The following RNF216 variants were observed in gnomAD, a reference collection of about 807,000 sequenced individuals.
The protein encoded by RNF216 is ring finger protein 216.
Under a neutral mutation model 110.8 loss-of-function variants are expected in RNF216, and 72 were observed. That is an observed-to-expected ratio of 0.65 (90% CI 0.54 to 0.79). RNF216 has a LOEUF of 0.79. RNF216 is among the 30% of genes least tolerant of loss of function. The pLI is 0.00. For synonymous variants in RNF216, 495 were observed against 407.5 expected (o/e 1.21, Z -2.59); for missense variants, 1,342 against 1,141.2 (o/e 1.18, Z -2.54).
intron 15 of RNF216, among the ~76,000 whole-genome samples, chr7:5,627,258 C>T (rs1786767993): frequency 1.3e-5 from 2 of 152,208 alleles, no homozygotes; most frequent in African/African-American, 4.8e-5. Flanking sequence ...AGGAAATCCA[C>T]AGAAAAGATA....
intron 7 of RNF216, among the ~76,000 whole-genome samples, chr7:5,727,896 T>C (rs1793856802): frequency 6.6e-6 from 1 of 151,516 alleles, no homozygotes; most frequent in Admixed American, 6.6e-5. Flanking sequence ...AGATTTTCCA[T>C]ATGCTGATGA....
At chr7:5,654,172 G>A (rs1438612477) in intron 13 of RNF216, among the ~76,000 whole-genome samples, 2 of 152,228 alleles carry the variant, frequency 1.3e-5, no homozygotes, top group African/African-American at 4.8e-5. Context: ...AGGGTGGTGG[G>A]CAAGGACAGG....
At position 5,662,176 on chromosome 7, in the gene RNF216, T is replaced by C. The variant is rs542137556; in HGVS notation, c.2062-9666A>G. On this transcript the variant is annotated intron_variant, in intron 13 of 16. Coordinates refer to ENST00000389902, the MANE Select transcript of RNF216 (RefSeq NM_207111.4). The stretch of plus-strand genomic sequence containing the variant: ...TGGCTCAGTAAGAGGCAGGATGGGA[T>C]GGAATCAGACCTGAGGATACCCTTT... 2.6e-5 allele frequency among the ~76,000 whole-genome samples: 4 copies of C among 152,240 alleles called. No homozygotes were observed. In the East Asian group the frequency reaches 7.7e-4, roughly 29 times the overall value.
chr7:5,666,913 C>T (rs188000240), intron 13 of RNF216, among the ~76,000 whole-genome samples: 61 of 151,378 alleles, frequency 4.0e-4, no homozygotes, highest in Non-Finnish European at 6.8e-4. Flanking sequence ...AGCCTGGGCT[C>T]AAGTGATCCT....
chr7:5,778,916 G>T (rs887877780), intron 1 of RNF216, among the ~76,000 whole-genome samples: 2 of 152,132 alleles, frequency 1.3e-5, no homozygotes, highest in African/African-American at 4.8e-5. Flanking sequence ...GCTAATTTTT[G>T]TATTTTTAGT....
intron 1 of RNF216, among the ~76,000 whole-genome samples, chr7:5,771,096 A>G (rs1796471922): frequency 6.6e-6 from 1 of 152,076 alleles, no homozygotes; most frequent in Admixed American, 6.6e-5. Flanking sequence ...GTGAGCCACC[A>G]CACCTGGCCC....
chr7:5,727,308 C>G (rs377062924), intron 7 of RNF216, among the ~76,000 whole-genome samples: 10 of 152,372 alleles, frequency 6.6e-5, no homozygotes, highest in African/African-American at 2.4e-4. Context: ...CTTATGACCA[C>G]AAGCTTTCCA....
chr7:5,711,913 T>C (rs760382572), intron 12 of RNF216, 74 bp from the exon 13 acceptor site: 33 of 1,337,738 alleles, frequency 2.5e-5, no homozygotes, highest in Non-Finnish European at 3.1e-5. Flanking sequence ...CATGTGGCTG[T>C]TCATATGAAG....
Position 5,715,078 on chromosome 7 carries a change from T to C in RNF216, c.1808A>G (p.Gln603Arg), listed in dbSNP as rs1175400886. 4.3e-6 allele frequency: 7 copies of C among 1,613,600 alleles called. No homozygotes were observed. Among genetic ancestry groups the C allele is most frequent in the Non-Finnish European group, 5.9e-6 (7 of 1,179,918 alleles). Residue 603 changes from glutamine to arginine, a missense_variant, in exon 11 of 17, where the codon CAA becomes CGA. Gln to Arg is a conservative substitution (Grantham distance 43). Transcript: ENST00000389902. Reference sequence around the variant, plus strand: ...CTTTCCAGATCCAAAGACTGCCTCTTGGGCATATCTGATGAGACACTCTTT... The same window carrying C: ...CTTTCCAGATCCAAAGACTGCCTCTCGGGCATATCTGATGAGACACTCTTT... ...FCKECLIRYA[Q>R]EAVFGSGKLE...
At chr7:5,666,691 G>A (rs1430161576) in intron 13 of RNF216, 1 of 152,154 alleles carries the variant, frequency 6.6e-6, no homozygotes, top group East Asian at 1.9e-4. Flanking sequence ...CCTTCCTGCC[G>A]AGCTTCTCAC....
chr7:5,636,588 T>C (rs984617043), intron 15 of RNF216, among the ~76,000 whole-genome samples: 1 of 152,186 alleles, frequency 6.6e-6, no homozygotes, highest in African/African-American at 2.4e-5. Flanking sequence ...TTTGTTTCAC[T>C]GAACTTCTGA....
intron 13 of RNF216, among the ~76,000 whole-genome samples, chr7:5,688,623 C>A (rs1791132808): frequency 6.6e-6 from 1 of 152,182 alleles, no homozygotes; most frequent in Non-Finnish European, 1.5e-5. Flanking sequence ...TACATTTATA[C>A]AAAGTGAGCA....
chr7:5,685,193 G>A lies in RNF216; in HGVS notation c.2061+26568C>T, dbSNP rs571733272. 7.9e-5 allele frequency among the ~76,000 whole-genome samples: 12 copies of A among 152,296 alleles called. No homozygotes were observed. The South Asian group carries it at 2.5e-3, about 32-fold the overall frequency. Reference sequence around the variant, plus strand: ...GCTGCCCATGTACAATGTCCACCACGGATGGGTGGGCATGGAGGTAGCTCC... The same window carrying A: ...GCTGCCCATGTACAATGTCCACCACAGATGGGTGGGCATGGAGGTAGCTCC... On this transcript the variant is annotated intron_variant, in intron 13 of 16. Transcript: ENST00000389902.
intron 7 of RNF216, among the ~76,000 whole-genome samples, chr7:5,726,189 A>G (rs1793740924): frequency 6.6e-6 from 1 of 151,936 alleles, no homozygotes; most frequent in African/African-American, 2.4e-5. Context: ...AGATAGGACA[A>G]TCACTTGAGC....
At chr7:5,640,955 G>C (rs1254967674) in intron 15 of RNF216, among the ~76,000 whole-genome samples, 199 bp downstream of exon 15, 1 of 152,220 alleles carries the variant, frequency 6.6e-6, no homozygotes, top group Non-Finnish European at 1.5e-5. Context: ...CTATAAAACT[G>C]TTAGGGCATG....
intron 13 of RNF216, among the ~76,000 whole-genome samples, chr7:5,675,197 G>A (rs1790201493): frequency 6.6e-6 from 1 of 152,182 alleles, no homozygotes; most frequent in Admixed American, 6.5e-5. Context: ...ACAGTCTGTT[G>A]TATGCTAGTT....
At chr7:5,659,125 A>C (rs938326211) in intron 13 of RNF216, among the ~76,000 whole-genome samples, 3 of 152,174 alleles carry the variant, frequency 2.0e-5, no homozygotes, top group Non-Finnish European at 4.4e-5. Context: ...GTGGTGCAGA[A>C]TAAGATCTGA....
At chr7:5,706,064 C>T (rs1792267551) in intron 13 of RNF216, among the ~76,000 whole-genome samples, 1 of 147,904 alleles carries the variant, frequency 6.8e-6, no homozygotes, top group Non-Finnish European at 1.5e-5. Flanking sequence ...ACTAAAAATG[C>T]AAAAAATTAG....
chr7:5,635,808 G>A (rs73676621), intron 15 of RNF216, among the ~76,000 whole-genome samples: 1,562 of 152,298 alleles, frequency 0.01, 29 homozygotes, highest in African/African-American at 0.036. Flanking sequence ...ATCTATAAAT[G>A]TTAGGCTCAG....
Sources: gnomAD v4.1 joint callset for allele counts (sites outside exome capture counted in the v4.1 genomes callset) on GRCh38, gnomAD v4.1.1 for gene constraint, MANE v1.5 for transcripts, NCBI Gene and HGNC (gene_info 2026-07-23, HGNC 2026-07-21) for gene names.